NLRP12: variants seen among roughly 807,000 people sequenced by gnomAD.
The protein encoded by NLRP12 is NLR family pyrin domain containing 12.
A neutral mutation model predicts 91.2 loss-of-function variants in NLRP12; 108 were observed. That is an observed-to-expected ratio of 1.18 (90% CI 1.01 to 1.39). The LOEUF is 1.39. NLRP12 is among the 40% of genes most tolerant of loss of function. The probability of loss-of-function intolerance (pLI) is 0.00; values close to 1 mark genes in which losing one functional copy is unlikely to be tolerated. For missense variants in NLRP12, 1,530 were observed against 1,352.7 expected, an observed-to-expected ratio of 1.13 and a Z score of -2.06; for synonymous variants, 613 against 566.7, an observed-to-expected ratio of 1.08 and a Z score of -1.16.
chr19:53,819,017 C>T (rs2092206015), intron 1 of NLRP12, among the ~76,000 whole-genome samples: 1 of 152,142 alleles, frequency 6.6e-6, no homozygotes, highest in South Asian at 2.1e-4. Context: ...CTTGGGAACG[C>T]TGAGCTGCCT....
intron 1 of NLRP12, among the ~76,000 whole-genome samples, chr19:53,822,668 C>T (rs1054395130): frequency 1.4e-4 from 21 of 145,644 alleles, no homozygotes; most frequent in African/African-American, 5.1e-4. Flanking sequence ...ACCTGGGAGA[C>T]GGAGGTTGCA....
At chr19:53,823,393 T>A (rs371590885) in intron 1 of NLRP12, among the ~76,000 whole-genome samples, 173 of 100,072 alleles carry the variant, frequency 1.7e-3, no homozygotes, top group African/African-American at 6.2e-3. Context: ...ATACATATTT[T>A]AAATATATAT....
At position 53,804,033 on chromosome 19, in the gene NLRP12, G is replaced by A. The variant is rs1178863426; in HGVS notation, c.2504C>T (p.Thr835Ile). 1.2e-6 allele frequency: 2 copies of A among 1,614,058 alleles called. No individual in the cohort carries two copies. Among genetic ancestry groups the A allele is most frequent in the East Asian group, 2.2e-5 (1 of 44,882 alleles). Residue 835 changes from threonine to isoleucine, a missense_variant, in exon 6 of 10, where the codon ACA becomes ATA. By Grantham distance (89) the Thr-to-Ile change is moderately conservative. Transcript: ENST00000324134. ...TNPHLVELDL[T>I]GNALEDLGLR... ...GCCCAAATCCTCCAGTGCATTTCCTGTCAGGTCCAACTCAACCAGATGTGG... is the reference window on the plus strand; with the variant it reads ...GCCCAAATCCTCCAGTGCATTTCCTATCAGGTCCAACTCAACCAGATGTGG...
intron 5 of NLRP12, 63 bp downstream of exon 5, chr19:53,805,217 G>T: frequency 6.6e-7 from 1 of 1,517,212 alleles, no homozygotes; most frequent in South Asian, 1.1e-5. Flanking sequence ...CCAGCATTTT[G>T]TGATATTTCA....
chr19:53,820,579 CA>C (rs1452096358), intron 1 of NLRP12, among the ~76,000 whole-genome samples: 1 of 152,048 alleles, frequency 6.6e-6, no homozygotes, highest in African/African-American at 2.4e-5. Flanking sequence ...CTCTGTGGTG[CA>C]CACCTGTAGT....
At chr19:53,805,243 T>G in intron 5 of NLRP12, 37 bp downstream of exon 5, 123 of 1,595,492 alleles carry the variant, frequency 7.7e-5, no homozygotes, top group Middle Eastern at 1.7e-4. Context: ...CAGGAGACAA[T>G]GAGCTTAAGA....
In NLRP12 at chr19:53,810,444, C is replaced by T. The variant is rs772867505; in HGVS notation, c.1215G>A (p.Leu405=). The T allele has an allele frequency of 1.9e-6, 3 of 1,614,088 alleles. No homozygotes were observed. The Admixed American group carries it at 5.0e-5, about 27-fold the overall frequency. Reference sequence around the variant, plus strand: ...GGCAGGTACACACCACCCAGCACACCAGGGGGACGAAGCACATGGTGAAGA... The same window carrying T: ...GGCAGGTACACACCACCCAGCACACTAGGGGGACGAAGCACATGGTGAAGA... ...EPLFTMCFVP[L]VCWVVCTCLQ... is the part of the protein sequence containing the mutation. The change falls in exon 3 of 10, where the codon CTG becomes CTA. Residue 405 remains leucine, a synonymous_variant. Coordinates refer to ENST00000324134, the MANE Select transcript of NLRP12 (RefSeq NM_144687.4).
At chr19:53,816,559 T>C (rs919353552) in intron 1 of NLRP12, among the ~76,000 whole-genome samples, 8 of 152,144 alleles carry the variant, frequency 5.3e-5, no homozygotes, top group African/African-American at 1.7e-4. Flanking sequence ...TCTCGCTCTG[T>C]CGCCCAGGCT....
intron 2 of NLRP12, among the ~76,000 whole-genome samples, chr19:53,814,473 C>T (rs2092126350): frequency 6.6e-6 from 1 of 152,124 alleles, no homozygotes; most frequent in Admixed American, 6.6e-5. Flanking sequence ...CTGCCTCAGC[C>T]TCTGAGTAGC....
Position 53,801,375 on chromosome 19 carries a change from C to CAGTGAG in NLRP12, c.2602_2607dup (p.Leu868_Thr869dup), listed in dbSNP as rs766873683. On this transcript the variant is annotated inframe_insertion, in exon 7 of 10. Coordinates refer to ENST00000324134, the MANE Select transcript of NLRP12 (RefSeq NM_144687.4). Reference sequence around the variant, plus strand: ...GAGGCCAGCTCGTCACAGGCAGCAGCAGTGAGGCGGCAGATCTTCAGCCTG... The same window carrying CAGTGAG: ...GAGGCCAGCTCGTCACAGGCAGCAGCAGTGAGAGTGAGGCGGCAGATCTTCAGCCTG... The CAGTGAG allele has an allele frequency of 6.2e-7, 1 of 1,613,624 alleles. No individual in the cohort carries two copies. The highest frequency in any genetic ancestry group is 2.2e-5 in the East Asian group (1 of 44,844).
chr19:53,823,907 G>A lies in NLRP12; in HGVS notation c.268C>T (p.Gln90Ter), dbSNP rs549438462. The A allele has an allele frequency of 6.2e-6, 10 of 1,613,898 alleles. No homozygotes were observed. In the East Asian group the frequency reaches 1.8e-4, roughly 29 times the overall value. The change falls in exon 1 of 10, where the codon CAG becomes TAG. Residue 90 changes from glutamine to a stop codon, truncating the protein, a stop_gained. Transcript: ENST00000324134. LOFTEE classifies it high-confidence loss of function. ...TTACCCCTCACCAGGTCCTCTCTCTGTCCTCTCTCCCACAGGTCCTTCCTG... is the reference window on the plus strand; with the variant it reads ...TTACCCCTCACCAGGTCCTCTCTCTATCCTCTCTCCCACAGGTCCTTCCTG... ...INRKDLWERG[Q>*]REDLVRDTPP...
chr19:53,793,687 C>A (rs562576939), downstream of NLRP12: 1,087 of 329,694 alleles, frequency 3.3e-3, 11 homozygotes, highest in Non-Finnish European at 5.1e-3. Flanking sequence ...CGGGTTCAAG[C>A]GATTCTCCTG....
rs578048834 is a variant in NLRP12 at position 53,801,286 on chromosome 19, G to A, written c.2697C>T (p.Leu899=). ...GGCCCTCACACAGCAGCAGCACCCCGAGGTCCCCCAGCTCATTCAGGCTCA... is the reference window on the plus strand; with the variant it reads ...GGCCCTCACACAGCAGCAGCACCCCAAGGTCCCCCAGCTCATTCAGGCTCA... ...LDLSLNELGD[L]GVLLLCEGLR... is the part of the protein sequence containing the mutation. The change falls in exon 7 of 10, where the codon CTC becomes CTT. Residue 899 remains leucine (L), a synonymous_variant. Transcript: ENST00000324134. 28 of 1,613,848 alleles carry A rather than the reference G, an allele frequency of 1.7e-5. No homozygotes were observed. The South Asian group carries it at 2.7e-4, about 16-fold the overall frequency.
chr19:53,804,158 T>C (rs1342317936), intron 5 of NLRP12, 36 bp from the exon 6 acceptor site: 2 of 1,610,666 alleles, frequency 1.2e-6, no homozygotes, highest in Non-Finnish European at 1.7e-6. Flanking sequence ...GGACGCCATC[T>C]TGCTTTTCTA....
chr19:53,819,561 G>A (rs1317780693), intron 1 of NLRP12, among the ~76,000 whole-genome samples: 4 of 106,294 alleles, frequency 3.8e-5, no homozygotes, highest in Non-Finnish European at 6.2e-5. Flanking sequence ...GTATGTATAC[G>A]TATATATATG....
rs1342636343 is a variant in NLRP12, at chr19:53,810,814, A to G, written c.845T>C (p.Leu282Pro). 1.9e-6 allele frequency: 3 copies of G among 1,614,062 alleles called. No homozygotes were observed. Among genetic ancestry groups the G allele is most frequent in the Non-Finnish European group, 2.5e-6 (3 of 1,180,034 alleles). ...WPEPSAPLQE[L>P]IRVPERLLFI... is the part of the protein sequence containing the mutation. ...AAGGAGGCGCTCGGGAACTCGGATG[A>G]GCTCCTGGAGAGGCGCGCTGGGCTC... Residue 282 changes from leucine (L) to proline (P), a missense_variant, in exon 3 of 10, where the codon CTC (leucine) becomes CCC (proline). Transcript: ENST00000324134.
intron 6 of NLRP12, 153 bp downstream of exon 6, chr19:53,803,799 C>G (rs1175793226): frequency 4.1e-6 from 3 of 736,182 alleles, no homozygotes; most frequent in African/African-American, 1.7e-5. Context: ...GTCTCGAACT[C>G]CTGACCTCAG....
chr19:53,803,940 G>C lies in NLRP12; in HGVS notation c.2585+12C>G. The C allele has an allele frequency of 6.2e-7, 1 of 1,613,150 alleles. No individual in the cohort carries two copies. The highest frequency in any genetic ancestry group is 1.7e-5 in the Admixed American group (1 of 59,986). On this transcript the variant is annotated intron_variant, in intron 6 of 9. Coordinates refer to ENST00000324134, the MANE Select transcript of NLRP12 (RefSeq NM_144687.4). ...TGCCATTTTATTATAGTTGACCCCA[G>C]GAAGAACTCACCACAAAGTCCGTAG...
intron 6 of NLRP12, chr19:53,803,637 G>GCAC: frequency 2.6e-6 from 1 of 380,984 alleles, no homozygotes; most frequent in South Asian, 2.1e-5. Flanking sequence ...GCAGTGACGT[G>GCAC]ATCTCAGCTC....
Sources: allele counts gnomAD v4.1 joint callset (sites outside exome capture counted in the v4.1 genomes callset), GRCh38; gene constraint gnomAD v4.1.1; transcripts MANE v1.5; gene names NCBI Gene and HGNC (gene_info 2026-07-23, HGNC 2026-07-21).